The following GPC5 variants were observed in gnomAD, a reference collection of about 807,000 sequenced individuals.
GPC5 encodes glypican 5.
Under a neutral mutation model 53.9 loss-of-function variants are expected in GPC5, and 47 were observed. The observed-to-expected ratio is 0.87, with a 90% CI of 0.69 to 1.11. The LOEUF (loss-of-function observed/expected upper bound fraction) is 1.11, where lower values mean the gene tolerates loss of function less well. Among genes scored for constraint, GPC5 ranks in the 50% most tolerant of loss-of-function variants. GPC5 has a pLI of 0.00. For missense variants in GPC5, 748 were observed against 713.1 expected (o/e 1.05, Z -0.56); for synonymous variants, 286 against 263.3 (o/e 1.09, Z -0.84).
intron 2 of GPC5, among the ~76,000 whole-genome samples, chr13:91,457,032 T>C (rs1881608073): frequency 6.6e-6 from 1 of 152,108 alleles, no homozygotes; most frequent in Admixed American, 6.6e-5. Context: ...AAAGTTACAG[T>C]AAAATTGCGT....
chr13:92,618,308 A>G (rs1884763968), intron 7 of GPC5, among the ~76,000 whole-genome samples: 1 of 152,146 alleles, frequency 6.6e-6, no homozygotes, highest in Admixed American at 6.5e-5. Context: ...GATCACTGAC[A>G]ATATGACATA....
At chr13:92,118,159 T>C (rs2041615822) in intron 6 of GPC5, among the ~76,000 whole-genome samples, 1 of 152,158 alleles carries the variant, frequency 6.6e-6, no homozygotes, top group Non-Finnish European at 1.5e-5. Flanking sequence ...GCTGAGAGTT[T>C]TTATAAAGAA....
chr13:92,829,249 T>G (rs1244356040), intron 7 of GPC5, among the ~76,000 whole-genome samples: 1 of 152,186 alleles, frequency 6.6e-6, no homozygotes, highest in African/African-American at 2.4e-5. Flanking sequence ...ATCATTTTAC[T>G]TAAGATATCT....
chr13:92,163,632 C>G (rs2042006826), intron 7 of GPC5, among the ~76,000 whole-genome samples: 1 of 152,030 alleles, frequency 6.6e-6, no homozygotes, highest in Non-Finnish European at 1.5e-5. Context: ...TTGAAGAATA[C>G]TTGTCATCAC....
At chr13:92,349,064 T>TAGA (rs1212234618) in intron 7 of GPC5, among the ~76,000 whole-genome samples, 1 of 151,562 alleles carries the variant, frequency 6.6e-6, no homozygotes, top group African/African-American at 2.4e-5. Context: ...AAGATTGGAG[T>TAGA]AGAAGTTAAT....
chr13:92,427,874 G>A (rs1876905332), intron 7 of GPC5, among the ~76,000 whole-genome samples: 1 of 152,088 alleles, frequency 6.6e-6, no homozygotes, highest in Non-Finnish European at 1.5e-5. Flanking sequence ...AGGAAGAAGT[G>A]TTTGCCAAAA....
intron 6 of GPC5, among the ~76,000 whole-genome samples, chr13:91,920,127 A>C (rs9523449): frequency 0.59 from 89,530 of 151,932 alleles, 26,692 homozygotes; most frequent in East Asian, 0.71. Flanking sequence ...AAGGGAAAAA[A>C]GAAAGAAATG....
At chr13:92,634,465 G>T (rs1394680628) in intron 7 of GPC5, among the ~76,000 whole-genome samples, 1 of 151,984 alleles carries the variant, frequency 6.6e-6, no homozygotes, top group African/African-American at 2.4e-5. Context: ...TCCTGAATCA[G>T]TATTTCCTTA....
intron 2 of GPC5, among the ~76,000 whole-genome samples, chr13:91,610,704 G>T (rs552887614): frequency 7.2e-5 from 11 of 152,162 alleles, no homozygotes; most frequent in Non-Finnish European, 1.6e-4. Context: ...TTATGATTAA[G>T]TATCATCCCA....
Position 92,103,703 on chromosome 13 carries a change from C to G in GPC5, c.1402-41127C>G, listed in dbSNP as rs187678477. ...AAAGGCCCTGCAACAATAACTCTCT[C>G]GGCATTTAGCAAGCATTTCTGAGTG... On this transcript the variant is annotated intron_variant, in intron 6 of 7. Transcript: ENST00000377067. Among the ~76,000 whole-genome samples the G allele has an allele frequency of 2.9e-3, 447 of 152,276 alleles. 5 individuals carry two copies. Among genetic ancestry groups the G allele is most frequent in the African/African-American group, 0.01 (425 of 41,552 alleles).
chr13:92,234,256 C>A (rs1566496891), intron 7 of GPC5, among the ~76,000 whole-genome samples: 1 of 152,158 alleles, frequency 6.6e-6, no homozygotes, highest in Non-Finnish European at 1.5e-5. Flanking sequence ...AATGGTTGAA[C>A]TAGTTTACAG....
intron 5 of GPC5, among the ~76,000 whole-genome samples, chr13:91,759,557 C>T (rs576176932): frequency 8.5e-5 from 13 of 152,250 alleles, no homozygotes; most frequent in African/African-American, 3.1e-4. Flanking sequence ...AACCATCCTT[C>T]TACTCTCCAT....
intron 7 of GPC5, among the ~76,000 whole-genome samples, chr13:92,371,491 C>T (rs1482558327): frequency 6.6e-6 from 1 of 152,062 alleles, no homozygotes; most frequent in East Asian, 1.9e-4. Flanking sequence ...TTAGTCTGTT[C>T]TCACACTTCT....
chr13:91,713,234 A>T (rs2036266691), intron 3 of GPC5, among the ~76,000 whole-genome samples: 1 of 152,144 alleles, frequency 6.6e-6, no homozygotes, highest in South Asian at 2.1e-4. Flanking sequence ...ACAAGCCTTC[A>T]TATTATACTA....
chr13:92,088,965 T>C (rs1358513162), intron 6 of GPC5, among the ~76,000 whole-genome samples: 1 of 152,178 alleles, frequency 6.6e-6, no homozygotes, highest in Non-Finnish European at 1.5e-5. Context: ...GTCAATTTCA[T>C]AAATGCCACC....
intron 6 of GPC5, among the ~76,000 whole-genome samples, chr13:92,049,343 TA>T (rs928672503): frequency 2.6e-5 from 4 of 152,184 alleles, no homozygotes; most frequent in African/African-American, 9.6e-5. Flanking sequence ...ATATAGTTTT[TA>T]ACTTTCCTTG....
At chr13:91,601,852 C>A (rs1321638335) in intron 2 of GPC5, among the ~76,000 whole-genome samples, 4 of 152,130 alleles carry the variant, frequency 2.6e-5, no homozygotes, top group African/African-American at 9.7e-5. Context: ...ATGTAATGCA[C>A]TTAAATCATC....
chr13:91,538,927 A>G (rs999305846), intron 2 of GPC5, among the ~76,000 whole-genome samples: 2 of 150,224 alleles, frequency 1.3e-5, no homozygotes, highest in African/African-American at 4.9e-5. Context: ...GTTGTAATTT[A>G]TTTTTGTCTG....
At chr13:92,699,810 C>T (rs943139038) in intron 7 of GPC5, among the ~76,000 whole-genome samples, 2 of 151,914 alleles carry the variant, frequency 1.3e-5, no homozygotes, top group Non-Finnish European at 2.9e-5. Flanking sequence ...TTATGATTTC[C>T]GTTCTTTTGC....
Sources: allele counts gnomAD v4.1 joint callset (sites outside exome capture counted in the v4.1 genomes callset), GRCh38; gene constraint gnomAD v4.1.1; transcripts MANE v1.5; gene names NCBI Gene and HGNC (gene_info 2026-07-23, HGNC 2026-07-21).